HS6ST3: variants seen among roughly 807,000 people sequenced by gnomAD.
HS6ST3 encodes the protein heparan-sulfate 6-O-sulfotransferase 3.
In HS6ST3, 12 loss-of-function variants were observed where a neutral mutation model predicts 36.7. The observed-to-expected ratio is 0.33, with a 90% CI of 0.21 to 0.53. The LOEUF is 0.53. Ranked by LOEUF, HS6ST3 falls within the 20% of genes least tolerant of loss-of-function variation. The probability of loss-of-function intolerance (pLI) is 0.95; values close to 1 mark genes in which losing one functional copy is unlikely to be tolerated. For synonymous variants in HS6ST3, 240 were observed against 257.5 expected, an observed-to-expected ratio of 0.93 and a Z score of 0.65; for missense variants, 584 against 640.9, an observed-to-expected ratio of 0.91 and a Z score of 0.96.
chr13:96,686,217 T>C (rs487214), intron 1 of HS6ST3, among the ~76,000 whole-genome samples: 149,084 of 151,972 alleles, frequency 0.98, 73,163 homozygotes, highest in East Asian at 1. Context: ...CACCTATTTG[T>C]TCAAGCAAAT....
At chr13:96,575,255 G>C (rs1036575437) in intron 1 of HS6ST3, among the ~76,000 whole-genome samples, 1 of 152,178 alleles carries the variant, frequency 6.6e-6, no homozygotes, top group East Asian at 1.9e-4. Context: ...CTGAAGAATG[G>C]AATGAAGATA....
At chr13:96,685,406 A>G (rs571127604) in intron 1 of HS6ST3, among the ~76,000 whole-genome samples, 22 of 152,148 alleles carry the variant, frequency 1.4e-4, no homozygotes, top group African/African-American at 5.3e-4. Context: ...CAAAGTCTGT[A>G]TTGTATTTTG....
intron 1 of HS6ST3, among the ~76,000 whole-genome samples, chr13:96,639,635 T>G (rs1439555481): frequency 6.6e-6 from 1 of 151,982 alleles, no homozygotes; most frequent in African/African-American, 2.4e-5. Flanking sequence ...GGGGTATGAT[T>G]GATCCTGTCA....
At chr13:96,584,490 G>A (rs1347473343) in intron 1 of HS6ST3, among the ~76,000 whole-genome samples, 3 of 152,144 alleles carry the variant, frequency 2.0e-5, no homozygotes, top group Admixed American at 6.5e-5. Context: ...TTAATATGTA[G>A]AAGATTTGGT....
At chr13:96,296,248 A>G (rs2054854625) in intron 1 of HS6ST3, among the ~76,000 whole-genome samples, 1 of 152,082 alleles carries the variant, frequency 6.6e-6, no homozygotes, top group Admixed American at 6.6e-5. Context: ...CAGAGTTTCT[A>G]TTTATACTCT....
At chr13:96,386,217 G>A (rs764681821) in intron 1 of HS6ST3, among the ~76,000 whole-genome samples, 8 of 152,212 alleles carry the variant, frequency 5.3e-5, no homozygotes, top group African/African-American at 1.2e-4. Context: ...AAATATTGAC[G>A]TGGCAGGAAG....
At chr13:96,101,591 T>C (rs1301936745) in intron 1 of HS6ST3, among the ~76,000 whole-genome samples, 1 of 152,068 alleles carries the variant, frequency 6.6e-6, no homozygotes, top group Non-Finnish European at 1.5e-5. Context: ...CTCAATTCAC[T>C]GCTTGAATTC....
intron 1 of HS6ST3, among the ~76,000 whole-genome samples, chr13:96,171,368 G>A (rs1171301242): frequency 6.6e-6 from 1 of 152,110 alleles, no homozygotes; most frequent in African/African-American, 2.4e-5. Flanking sequence ...TGGCGACAGG[G>A]AAGCATGGCC....
At chr13:96,669,734 A>G (rs2056676905) in intron 1 of HS6ST3, among the ~76,000 whole-genome samples, 2 of 152,164 alleles carry the variant, frequency 1.3e-5, no homozygotes, top group African/African-American at 4.8e-5. Flanking sequence ...TGTTTAAAAT[A>G]GTAAAAATTC....
At chr13:96,297,662 C>A (rs984386914) in intron 1 of HS6ST3, among the ~76,000 whole-genome samples, 11 of 151,770 alleles carry the variant, frequency 7.2e-5, no homozygotes, top group African/African-American at 2.7e-4. Context: ...AAGTATAGTT[C>A]TCCTCTCCCT....
intron 1 of HS6ST3, among the ~76,000 whole-genome samples, chr13:96,376,648 T>C (rs1028258271): frequency 6.6e-6 from 1 of 152,184 alleles, no homozygotes; most frequent in African/African-American, 2.4e-5. Context: ...TGACCTGCAG[T>C]AAGTTACTTA....
intron 1 of HS6ST3, among the ~76,000 whole-genome samples, chr13:96,181,025 A>G (rs2054237371): frequency 6.6e-6 from 1 of 152,208 alleles, no homozygotes; most frequent in Non-Finnish European, 1.5e-5. Context: ...TGCTTAAGGT[A>G]ATAATATTAA....
intron 1 of HS6ST3, among the ~76,000 whole-genome samples, chr13:96,245,049 T>A (rs892191637): frequency 1.3e-5 from 2 of 152,226 alleles, no homozygotes; most frequent in African/African-American, 4.8e-5. Flanking sequence ...GTAGCCTACT[T>A]GGTTGAATGA....
chr13:96,099,072 T>A (rs2053805637), intron 1 of HS6ST3, among the ~76,000 whole-genome samples: 1 of 151,904 alleles, frequency 6.6e-6, no homozygotes, highest in Non-Finnish European at 1.5e-5. Flanking sequence ...GCCTCCCGAG[T>A]AGCTGGGATT....
At chr13:96,100,848 ATAGT>A (rs1302404877) in intron 1 of HS6ST3, among the ~76,000 whole-genome samples, 4 of 152,196 alleles carry the variant, frequency 2.6e-5, no homozygotes, top group Admixed American at 6.5e-5. Flanking sequence ...GTGTCTGAAA[ATAGT>A]TTGAAATTTC....
intron 1 of HS6ST3, among the ~76,000 whole-genome samples, chr13:96,480,894 T>C (rs1470317066): frequency 6.6e-6 from 1 of 152,186 alleles, no homozygotes; most frequent in Non-Finnish European, 1.5e-5. Flanking sequence ...ACTGAAGAAA[T>C]GTTTACAGCT....
intron 1 of HS6ST3, among the ~76,000 whole-genome samples, chr13:96,668,327 A>C (rs1036537446): frequency 1.3e-5 from 2 of 152,186 alleles, no homozygotes; most frequent in African/African-American, 4.8e-5. Context: ...AAACCTAAAC[A>C]GGCAGGATGA....
chr13:96,657,391 C>T (rs181011278), intron 1 of HS6ST3, among the ~76,000 whole-genome samples: 1 of 152,024 alleles, frequency 6.6e-6, no homozygotes, highest in Non-Finnish European at 1.5e-5. Context: ...GGAGGTGGCA[C>T]ATACCTATGG....
At chr13:96,771,019 G>A (rs1027212208) in intron 1 of HS6ST3, among the ~76,000 whole-genome samples, 1 of 152,032 alleles carries the variant, frequency 6.6e-6, no homozygotes, top group African/African-American at 2.4e-5. Context: ...CATTTGGGTT[G>A]GTTCCAAGTC....
Sources: allele counts gnomAD v4.1 joint callset (sites outside exome capture counted in the v4.1 genomes callset), GRCh38; gene constraint gnomAD v4.1.1; transcripts MANE v1.5; gene names NCBI Gene and HGNC (gene_info 2026-07-23, HGNC 2026-07-21).